The following PTPRD variants were observed in gnomAD, a reference collection of about 807,000 sequenced individuals.
PTPRD encodes the protein receptor-type tyrosine-protein phosphatase delta.
A neutral mutation model predicts 214.5 loss-of-function variants in PTPRD; 34 were observed. The observed-to-expected ratio is 0.16, with a 90% CI of 0.12 to 0.21. The LOEUF is 0.21. Ranked by LOEUF, PTPRD falls within the 10% of genes least tolerant of loss-of-function variation. The pLI is 1.00. For synonymous variants in PTPRD, 1,128 were observed against 845.7 expected (o/e 1.33, Z -5.79); for missense variants, 2,545 against 2,398.7 (o/e 1.06, Z -1.27).
intron 12 of PTPRD, among the ~76,000 whole-genome samples, chr9:8,658,724 C>CT (rs949901018): frequency 1.3e-5 from 2 of 148,680 alleles, no homozygotes; most frequent in African/African-American, 4.9e-5. Context: ...TTTTTTTGTC[C>CT]TTTTTTTGTA....
intron 14 of PTPRD, among the ~76,000 whole-genome samples, chr9:8,537,390 T>A (rs923117797): frequency 6.6e-6 from 1 of 152,132 alleles, no homozygotes; most frequent in Middle Eastern, 3.4e-3. Context: ...GAACATACGA[T>A]AAATATAAGA....
intron 3 of PTPRD, among the ~76,000 whole-genome samples, chr9:10,329,763 T>C (rs751457600): frequency 6.6e-6 from 1 of 151,890 alleles, no homozygotes; most frequent in African/African-American, 2.4e-5. Context: ...TTTCACAATA[T>C]TGAGTTCATG....
At chr9:8,959,456 A>G (rs1403277228) in intron 11 of PTPRD, among the ~76,000 whole-genome samples, 1 of 151,962 alleles carries the variant, frequency 6.6e-6, no homozygotes, top group African/African-American at 2.4e-5. Context: ...GGAGAATTTG[A>G]AGAGCTCAAG....
At chr9:10,315,851 T>C (rs1365364267) in intron 3 of PTPRD, among the ~76,000 whole-genome samples, 3 of 152,036 alleles carry the variant, frequency 2.0e-5, no homozygotes, top group Admixed American at 6.6e-5. Flanking sequence ...TGGTGGCTTA[T>C]GCCATTTATA....
chr9:9,538,930 T>C (rs1591085123), intron 8 of PTPRD, among the ~76,000 whole-genome samples: 1 of 151,894 alleles, frequency 6.6e-6, no homozygotes, highest in East Asian at 1.9e-4. Flanking sequence ...TAGTAAATTA[T>C]TTTCTGAGTA....
chr9:9,051,470 T>C (rs1046536449), intron 10 of PTPRD, among the ~76,000 whole-genome samples: 9 of 152,190 alleles, frequency 5.9e-5, no homozygotes, highest in Admixed American at 2.6e-4. Flanking sequence ...AAATGTGAAA[T>C]CCAACCTTGG....
rs143141629 is a variant in PTPRD at position 9,949,669 on chromosome 9, C to G, written c.-471-11059G>C. Among the ~76,000 whole-genome samples, 221 of 152,212 alleles carry G rather than the reference C, an allele frequency of 1.5e-3. 1 individual carries two copies. Among genetic ancestry groups the G allele is most frequent in the African/African-American group, 4.8e-3 (201 of 41,506 alleles). ...TGAATCTCTACACTTTCATTGGAAA[C>G]TCTGGCAAAGAAACAAACAAACAAA... On this transcript the variant is annotated intron_variant, in intron 4 of 45. Transcript: ENST00000381196.
intron 5 of PTPRD, among the ~76,000 whole-genome samples, chr9:9,836,201 A>C (rs1173244681): frequency 6.6e-6 from 1 of 152,166 alleles, no homozygotes; most frequent in African/African-American, 2.4e-5. Flanking sequence ...AAACATATGG[A>C]AGGACATCCT....
rs892698552 is a variant in PTPRD at position 9,190,160 on chromosome 9, G to A, written c.-202-6797C>T. On this transcript the variant is annotated intron_variant, in intron 9 of 45. Transcript: ENST00000381196. ...CCTTTAAGAGGTGATTAGGTCATGA[G>A]GGCTCTGTTCTCATTGGTAGATTAA... Among the ~76,000 whole-genome samples the A allele has an allele frequency of 5.9e-5, 9 of 152,032 alleles. No homozygotes were observed. In the East Asian group the frequency reaches 1.7e-3, roughly 29 times the overall value.
At chr9:9,661,018 AT>A (rs1479066215) in intron 7 of PTPRD, among the ~76,000 whole-genome samples, 1 of 151,980 alleles carries the variant, frequency 6.6e-6, no homozygotes, top group African/African-American at 2.4e-5. Context: ...CTAAATGTCC[AT>A]TTTTTGTTAC....
At chr9:8,869,910 A>G (rs2098265939) in intron 11 of PTPRD, among the ~76,000 whole-genome samples, 1 of 152,016 alleles carries the variant, frequency 6.6e-6, no homozygotes, top group African/African-American at 2.4e-5. Context: ...GGCCATAACT[A>G]AGGTCCTAAC....
chr9:10,590,128 T>C (rs948362134), intron 2 of PTPRD, among the ~76,000 whole-genome samples: 1 of 152,122 alleles, frequency 6.6e-6, no homozygotes, highest in Middle Eastern at 3.4e-3. Context: ...TTCTGAGCAC[T>C]AGTATAAAGT....
chr9:9,753,435 G>A (rs1367641107), intron 6 of PTPRD, among the ~76,000 whole-genome samples: 2 of 152,058 alleles, frequency 1.3e-5, no homozygotes, highest in Non-Finnish European at 2.9e-5. Context: ...GTTCTTGGTT[G>A]CAAAAATACC....
intron 10 of PTPRD, among the ~76,000 whole-genome samples, chr9:9,119,766 C>T (rs973734557): frequency 1.9e-4 from 29 of 151,824 alleles, no homozygotes; most frequent in Admixed American, 6.6e-4. Flanking sequence ...TCAGATGATC[C>T]ACTGGCCTCA....
chr9:9,541,031 G>C (rs182433588), intron 8 of PTPRD, among the ~76,000 whole-genome samples: 15 of 151,636 alleles, frequency 9.9e-5, no homozygotes, highest in Non-Finnish European at 2.1e-4. Context: ...CAAATACCTC[G>C]TTCTAGGAGC....
intron 7 of PTPRD, among the ~76,000 whole-genome samples, chr9:9,595,452 A>G (rs1274242835): frequency 1.3e-5 from 2 of 150,286 alleles, no homozygotes; most frequent in African/African-American, 4.9e-5. Context: ...ACATGCATAC[A>G]CATGTACGCA....
intron 10 of PTPRD, among the ~76,000 whole-genome samples, chr9:9,050,031 T>C (rs920251646): frequency 1.3e-4 from 20 of 152,326 alleles, no homozygotes; most frequent in Middle Eastern, 6.8e-3. Context: ...GCAGAAGACA[T>C]GGTTTCCTGC....
intron 5 of PTPRD, among the ~76,000 whole-genome samples, chr9:9,787,420 TA>T (rs34947415): frequency 0.013 from 1,699 of 131,360 alleles, 5 homozygotes; most frequent in Non-Finnish European, 0.017. Flanking sequence ...GTCAACTATG[TA>T]AAAAAAAAAA....
chr9:10,146,887 A>T (rs72696921), intron 3 of PTPRD, among the ~76,000 whole-genome samples: 1 of 152,158 alleles, frequency 6.6e-6, no homozygotes, highest in East Asian at 1.9e-4. Flanking sequence ...CAAATATCCA[A>T]TATATTTGGG....
Sources: gnomAD v4.1 joint callset for allele counts (sites outside exome capture counted in the v4.1 genomes callset) on GRCh38, gnomAD v4.1.1 for gene constraint, MANE v1.5 for transcripts, NCBI Gene and HGNC (gene_info 2026-07-23, HGNC 2026-07-21) for gene names.